The following SEMA3D variants were observed in gnomAD, a reference collection of about 807,000 sequenced individuals.
SEMA3D encodes semaphorin-3D.
In SEMA3D, 84 loss-of-function variants were observed where a neutral mutation model predicts 100.1. The observed-to-expected ratio is 0.84, with a 90% confidence interval of 0.70 to 1.01. The LOEUF is 1.01. SEMA3D is among the 50% of genes least tolerant of loss of function. The pLI is 0.00. For synonymous variants in SEMA3D, 312 were observed against 320.7 expected (o/e 0.97, Z 0.29); for missense variants, 875 against 934.1 (o/e 0.94, Z 0.82).
chr7:85,087,483 A>C (rs1788256773), intron 4 of SEMA3D, among the ~76,000 whole-genome samples: 1 of 152,208 alleles, frequency 6.6e-6, no homozygotes, highest in Non-Finnish European at 1.5e-5. Flanking sequence ...GATCCAGAAG[A>C]ACCTAAGAAT....
At position 85,012,802 on chromosome 7, in the gene SEMA3D, T is replaced by C; in HGVS notation, c.1748A>G (p.Gln583Arg). The stretch of plus-strand genomic sequence containing the variant: ...CTTACTGTCTTCGATGTCCCAGCAC[T>C]GGGTGATTGGGTCGCCATATTTTAC... Reference protein sequence around the residue: ...QDVKYGDPITQCWDIEDSISH... With the variant: ...QDVKYGDPITRCWDIEDSISH... Residue 583 changes from glutamine (Q) to arginine (R), a missense_variant, in exon 17 of 19, where the codon CAG becomes CGG. Coordinates refer to ENST00000284136, the MANE Select transcript of SEMA3D (RefSeq NM_001384900.1). 4 of 1,610,556 alleles carry C rather than the reference T, an allele frequency of 2.5e-6. No homozygotes were observed. In the South Asian group the frequency reaches 4.4e-5, roughly 18 times the overall value.
At chr7:85,075,411 T>G (rs538266352) in intron 5 of SEMA3D, among the ~76,000 whole-genome samples, 14 of 149,286 alleles carry the variant, frequency 9.4e-5, no homozygotes, top group African/African-American at 2.8e-4. Flanking sequence ...GGGGATATAA[T>G]TTTGGTGATT....
At chr7:85,053,905 T>C (rs1791236638) in intron 9 of SEMA3D, among the ~76,000 whole-genome samples, 1 of 151,894 alleles carries the variant, frequency 6.6e-6, no homozygotes, top group African/African-American at 2.4e-5. Flanking sequence ...AATCTTGCTG[T>C]GTGGCCTCAG....
the SEMA3D span, among the ~76,000 whole-genome samples, chr7:85,220,190 G>C: frequency 1.3e-5 from 2 of 151,940 alleles, no homozygotes; most frequent in Non-Finnish European, 2.9e-5. Flanking sequence ...AGTCAGATCT[G>C]GATACCATGT....
intron 17 of SEMA3D, among the ~76,000 whole-genome samples, chr7:85,010,987 A>G (rs1458691023): frequency 6.6e-6 from 1 of 151,784 alleles, no homozygotes; most frequent in Non-Finnish European, 1.5e-5. Flanking sequence ...TAAGAGGTTA[A>G]CCAGAAGGAT....
At chr7:85,158,722 G>A (rs971908092) in intron 1 of SEMA3D, among the ~76,000 whole-genome samples, 43 of 152,074 alleles carry the variant, frequency 2.8e-4, no homozygotes, top group African/African-American at 8.7e-4. Context: ...TGCGGCTTGC[G>A]GGGCATCACG....
At chr7:85,051,202 A>AT in intron 9 of SEMA3D, among the ~76,000 whole-genome samples, 1 of 151,910 alleles carries the variant, frequency 6.6e-6, no homozygotes. Flanking sequence ...TGCTGTCCTC[A>AT]TTTTTTAGGT....
chr7:85,112,709 T>A (rs1283253885), intron 3 of SEMA3D, among the ~76,000 whole-genome samples: 1 of 152,166 alleles, frequency 6.6e-6, no homozygotes, highest in East Asian at 1.9e-4. Flanking sequence ...AAAACAATGT[T>A]GTGAGACTTA....
At chr7:85,167,965 A>G (rs946471139) in intron 1 of SEMA3D, among the ~76,000 whole-genome samples, 1 of 151,870 alleles carries the variant, frequency 6.6e-6, no homozygotes, top group Admixed American at 6.6e-5. Flanking sequence ...TACCTCTCAC[A>G]GACAAACAGC....
intron 14 of SEMA3D, among the ~76,000 whole-genome samples, chr7:85,018,908 A>G (rs1374001476): frequency 1.3e-5 from 2 of 151,766 alleles, no homozygotes; most frequent in African/African-American, 4.8e-5. Context: ...AGATGGCTTA[A>G]AAAATTTTCC....
chr7:85,215,308 T>C, the SEMA3D span, among the ~76,000 whole-genome samples: 3 of 152,112 alleles, frequency 2.0e-5, no homozygotes, highest in African/African-American at 7.2e-5. Context: ...AAAGACCCTA[T>C]GAAGTAGGTG....
intron 2 of SEMA3D, among the ~76,000 whole-genome samples, chr7:85,132,166 C>T (rs1465108033): frequency 3.3e-5 from 5 of 151,822 alleles, no homozygotes; most frequent in African/African-American, 1.2e-4. Flanking sequence ...TCCATACCAG[C>T]TTATAAAACA....
chr7:85,181,361 CAT>C (rs1453073826), intron 1 of SEMA3D, among the ~76,000 whole-genome samples: 27 of 146,580 alleles, frequency 1.8e-4, no homozygotes, highest in African/African-American at 4.5e-4. Flanking sequence ...CACACACACA[CAT>C]GCACTGCTAG....
At chr7:85,191,235 C>G (rs750986952), upstream of SEMA3D, among the ~76,000 whole-genome samples, 4 of 152,080 alleles carry the variant, frequency 2.6e-5, no homozygotes, top group Non-Finnish European at 5.9e-5. Flanking sequence ...CGGTTTTCCA[C>G]GCCTGATATA....
At chr7:85,073,481 C>G (rs1178019804) in intron 5 of SEMA3D, among the ~76,000 whole-genome samples, 3 of 151,828 alleles carry the variant, frequency 2.0e-5, no homozygotes, top group Admixed American at 6.6e-5. Flanking sequence ...AACTCCTGGA[C>G]TCAAGAGATC....
At chr7:85,223,700 TG>T in the SEMA3D span, among the ~76,000 whole-genome samples, 1 of 151,806 alleles carries the variant, frequency 6.6e-6, no homozygotes, top group Non-Finnish European at 1.5e-5. Context: ...CACTTATCAG[TG>T]GGAACTAAAC....
At chr7:85,001,975 A>G (rs1789668124) in intron 18 of SEMA3D, among the ~76,000 whole-genome samples, 1 of 152,148 alleles carries the variant, frequency 6.6e-6, no homozygotes. Context: ...AGATTATCAC[A>G]GCTCTGACTA....
intron 1 of SEMA3D, among the ~76,000 whole-genome samples, chr7:85,155,593 T>C (rs1022155782): frequency 6.6e-6 from 1 of 152,178 alleles, no homozygotes; most frequent in African/African-American, 2.4e-5. Flanking sequence ...GTGGTGTTAA[T>C]TAAAGACATT....
At chr7:85,185,882 C>T (rs1453974106) in intron 1 of SEMA3D, among the ~76,000 whole-genome samples, 1 of 152,182 alleles carries the variant, frequency 6.6e-6, no homozygotes, top group African/African-American at 2.4e-5. Context: ...GTTAAATGCC[C>T]AGCACGAGTC....
Sources: allele counts gnomAD v4.1 joint callset (sites outside exome capture counted in the v4.1 genomes callset), GRCh38; gene constraint gnomAD v4.1.1; transcripts MANE v1.5; gene names NCBI Gene and HGNC (gene_info 2026-07-23, HGNC 2026-07-21).